RIMS2: variants seen among roughly 807,000 people sequenced by gnomAD.
RIMS2 encodes the protein regulating synaptic membrane exocytosis protein 2.
RIMS2 carries 59 observed loss-of-function variants against 174.4 expected under a neutral mutation model. The ratio of observed to expected loss-of-function variants is 0.34; its 90% CI spans 0.27 to 0.42. The LOEUF (loss-of-function observed/expected upper bound fraction) is 0.42, where lower values mean the gene tolerates loss of function less well. Ranked by LOEUF, RIMS2 falls within the 10% of genes least tolerant of loss-of-function variation. The pLI is 1.00. For missense variants in RIMS2, 1,620 were observed against 1,666.3 expected, an observed-to-expected ratio of 0.97 and a Z score of 0.48; for synonymous variants, 606 against 572.5, an observed-to-expected ratio of 1.06 and a Z score of -0.84.
chr8:104,097,978 A>T (rs1428692378), intron 19 of RIMS2, among the ~76,000 whole-genome samples: 1 of 152,176 alleles, frequency 6.6e-6, no homozygotes, highest in Non-Finnish European at 1.5e-5. Flanking sequence ...TAGTACTTAC[A>T]ATTAACACAG....
At position 103,742,083 on chromosome 8, in the gene RIMS2, G is replaced by T. The variant is rs181571697; in HGVS notation, c.388-24144G>T. Among the ~76,000 whole-genome samples the T allele has an allele frequency of 1.6e-3, 249 of 152,072 alleles. 3 individuals are homozygous for T. Among genetic ancestry groups the T allele is most frequent in the Admixed American group, 0.015 (230 of 15,264 alleles). ...TGGTAGCATCTGATACTCCAATCAG[G>T]ACTCAACTTCTTAAGAACAGTTTCT... On this transcript the variant is annotated intron_variant, in intron 2 of 23. Transcript: ENST00000504942.
intron 1 of RIMS2, among the ~76,000 whole-genome samples, chr8:103,563,212 T>C (rs1018183484): frequency 6.6e-6 from 1 of 152,196 alleles, no homozygotes; most frequent in African/African-American, 2.4e-5. Flanking sequence ...GAAAATGGGA[T>C]TTTCTTTTCT....
rs150137615 is a variant in RIMS2, at chr8:103,703,968, C to T, written c.387+6672C>T. Among the ~76,000 whole-genome samples, 1,268 of 151,922 alleles carry T rather than the reference C, an allele frequency of 8.3e-3. 12 individuals are homozygous for T. The highest frequency in any genetic ancestry group is 0.019 in the African/African-American group (797 of 41,436). On this transcript the variant is annotated intron_variant, in intron 2 of 23. Transcript: ENST00000504942. Reference sequence around the variant, plus strand: ...GACTTCTTCCTTTCCAATATTAATGCCTTTTGTCTATTTCTGTTGCCTAAT... The same window carrying T: ...GACTTCTTCCTTTCCAATATTAATGTCTTTTGTCTATTTCTGTTGCCTAAT...
intron 19 of RIMS2, among the ~76,000 whole-genome samples, chr8:104,064,071 T>A (rs1015561983): frequency 6.6e-6 from 1 of 152,204 alleles, no homozygotes; most frequent in Non-Finnish European, 1.5e-5. Context: ...TATCTTTGGT[T>A]AAAAAAATTC....
At chr8:104,067,157 C>T (rs779676962) in intron 19 of RIMS2, among the ~76,000 whole-genome samples, 4 of 152,162 alleles carry the variant, frequency 2.6e-5, no homozygotes, top group East Asian at 3.9e-4. Context: ...GGCACGCTTA[C>T]GTCTAGCTGT....
chr8:103,934,056 CTT>C (rs1358391586), intron 12 of RIMS2, among the ~76,000 whole-genome samples: 1 of 151,794 alleles, frequency 6.6e-6, no homozygotes, highest in East Asian at 1.9e-4. Flanking sequence ...GTTTTATACT[CTT>C]TTTTTGTATC....
At chr8:103,782,042 G>T (rs78157453) in intron 3 of RIMS2, among the ~76,000 whole-genome samples, 23,726 of 150,862 alleles carry the variant, frequency 0.16, 1,968 homozygotes, top group Middle Eastern at 0.25. Flanking sequence ...GCCACCACAC[G>T]TGGCCTTATC....
At chr8:104,025,748 A>C (rs539713430) in intron 19 of RIMS2, among the ~76,000 whole-genome samples, 3 of 150,954 alleles carry the variant, frequency 2.0e-5, no homozygotes, top group Non-Finnish European at 3.0e-5. Flanking sequence ...TGTACCACAT[A>C]ATGCTGTTTT....
At chr8:104,177,264 A>G (rs71520870) in intron 19 of RIMS2, among the ~76,000 whole-genome samples, 1 of 152,158 alleles carries the variant, frequency 6.6e-6, no homozygotes, top group African/African-American at 2.4e-5. Context: ...TGAAATAAAG[A>G]CAAAAGTTAG....
rs113387786 is a variant in RIMS2 at position 104,197,996 on chromosome 8, T to G, written c.3335-46920T>G. Among the ~76,000 whole-genome samples the G allele has an allele frequency of 5.3e-3, 802 of 151,896 alleles. 4 individuals are homozygous for G. The highest frequency in any genetic ancestry group is 0.018 in the African/African-American group (739 of 41,448). On this transcript the variant is annotated intron_variant, in intron 19 of 23. Transcript: ENST00000504942. The stretch of plus-strand genomic sequence containing the variant: ...ATAAAATAAAAATTTTTTAAAAACT[T>G]TAAATACAACAGTCAAAATCTTCAA...
chr8:103,559,348 G>A (rs2091201774), intron 1 of RIMS2: 2 of 249,346 alleles, frequency 8.0e-6, no homozygotes, highest in Non-Finnish European at 1.6e-5. Flanking sequence ...TCTCCTTTAT[G>A]CCCTTGGTGG....
chr8:103,584,437 C>T lies in RIMS2; in HGVS notation c.176+83375C>T, dbSNP rs567611821. ...GTAATAGTAAGTACACAGAAAAACA[C>T]AGATTTTTTTTAACACTATAACTGT... On this transcript the variant is annotated intron_variant, in intron 1 of 23. Transcript: ENST00000504942. Among the ~76,000 whole-genome samples the T allele has an allele frequency of 6.5e-5, 4 of 61,544 alleles. No individual in the cohort carries two copies. The East Asian group carries it at 2.6e-3, about 40-fold the overall frequency. The allele number at this position is 61,544 out of a possible 152,430, so 40.4% of individuals were successfully genotyped here. A position where few individuals can be genotyped will look rare whatever the true frequency, so the allele number is the denominator to read the frequency against.
At chr8:103,755,899 A>T (rs1414214833) in intron 2 of RIMS2, among the ~76,000 whole-genome samples, 1 of 151,960 alleles carries the variant, frequency 6.6e-6, no homozygotes, top group Non-Finnish European at 1.5e-5. Context: ...GGAGTTTGTT[A>T]TTACTGACCT....
chr8:104,045,071 T>C (rs116240692), intron 19 of RIMS2, among the ~76,000 whole-genome samples: 2,256 of 151,946 alleles, frequency 0.015, 51 homozygotes, highest in African/African-American at 0.049. Flanking sequence ...AATATCTTTA[T>C]TAGCCTGTCA....
chr8:104,097,251 C>A (rs1179096970), intron 19 of RIMS2, among the ~76,000 whole-genome samples: 1 of 152,064 alleles, frequency 6.6e-6, no homozygotes, highest in Non-Finnish European at 1.5e-5. Context: ...CGTGTAAACA[C>A]TAAATTCATT....
chr8:103,813,317 T>C (rs943100030), intron 3 of RIMS2, among the ~76,000 whole-genome samples: 1 of 152,228 alleles, frequency 6.6e-6, no homozygotes, highest in African/African-American at 2.4e-5. Flanking sequence ...TTGTGTTAAT[T>C]TTCTTAAGAC....
intron 19 of RIMS2, among the ~76,000 whole-genome samples, chr8:104,190,526 T>C (rs1016787899): frequency 1.3e-5 from 2 of 152,076 alleles, no homozygotes; most frequent in African/African-American, 4.8e-5. Flanking sequence ...GAATTTCCTT[T>C]TTAGGCTTTG....
At chr8:104,125,684 A>T (rs2098422763) in intron 19 of RIMS2, among the ~76,000 whole-genome samples, 1 of 152,292 alleles carries the variant, frequency 6.6e-6, no homozygotes, top group East Asian at 1.9e-4. Context: ...TTATACCATG[A>T]TATTGAATCA....
intron 4 of RIMS2, among the ~76,000 whole-genome samples, chr8:103,899,532 T>C (rs970353899): frequency 1.3e-5 from 2 of 151,848 alleles, no homozygotes; most frequent in Non-Finnish European, 2.9e-5. Flanking sequence ...TTTTGAAAAG[T>C]GTCTTTTCAT....
Sources: gnomAD v4.1 joint callset for allele counts (sites outside exome capture counted in the v4.1 genomes callset) on GRCh38, gnomAD v4.1.1 for gene constraint, MANE v1.5 for transcripts, NCBI Gene and HGNC (gene_info 2026-07-23, HGNC 2026-07-21) for gene names.